Variants in RNGTT observed in about 807,000 individuals in gnomAD.
RNGTT encodes RNA guanylyltransferase and 5'-phosphatase.
Under a neutral mutation model 79.3 loss-of-function variants are expected in RNGTT, and 33 were observed. That is an observed-to-expected ratio of 0.42 (90% CI 0.32 to 0.56). RNGTT has a LOEUF of 0.56. Among genes scored for constraint, RNGTT ranks in the 20% least tolerant of loss-of-function variants. The probability of loss-of-function intolerance (pLI) is 0.17; values close to 1 mark genes in which losing one functional copy is unlikely to be tolerated. For missense variants in RNGTT, 497 were observed against 739.1 expected (o/e 0.67, Z 3.80); for synonymous variants, 222 against 235.9 (o/e 0.94, Z 0.54).
chr6:88,727,323 T>C (rs1285941744), intron 13 of RNGTT, among the ~76,000 whole-genome samples: 1 of 152,150 alleles, frequency 6.6e-6, no homozygotes, highest in African/African-American at 2.4e-5. Context: ...CATTAAAAGG[T>C]TAAAAAATTT....
At chr6:88,711,069 T>C (rs1381297771) in intron 13 of RNGTT, among the ~76,000 whole-genome samples, 1 of 152,166 alleles carries the variant, frequency 6.6e-6, no homozygotes, top group Non-Finnish European at 1.5e-5. Flanking sequence ...AGAGACAAAT[T>C]TAATCTTTCA....
Position 88,883,146 on chromosome 6 carries a change from G to C in RNGTT, c.896+7349C>G, listed in dbSNP as rs551993318. ...AGGCTGAGTTGTAGAGAGAAGAACA[G>C]GAAGGAGCCCAGACTCTTTATGACA... is the stretch of plus-strand genomic sequence containing the variant. On this transcript the variant is annotated intron_variant, in intron 8 of 15. Transcript: ENST00000369485. Among the ~76,000 whole-genome samples the C allele has an allele frequency of 4.4e-5, 6 of 136,846 alleles. No homozygotes were observed. In the South Asian group the frequency reaches 1.2e-3, roughly 27 times the overall value. The allele number at this position is 136,846 out of a possible 152,430, so 89.8% of individuals were successfully genotyped here. A position where few individuals can be genotyped will look rare whatever the true frequency, so the allele number is the denominator to read the frequency against.
intron 1 of RNGTT, among the ~76,000 whole-genome samples, chr6:88,943,770 T>A (rs1194048359): frequency 2.6e-5 from 4 of 152,300 alleles, no homozygotes; most frequent in South Asian, 2.1e-4. Context: ...TCCCTTTCCT[T>A]CTTATCCAAC....
At chr6:88,958,349 C>CA (rs2127967078) in intron 1 of RNGTT, among the ~76,000 whole-genome samples, 1 of 152,162 alleles carries the variant, frequency 6.6e-6, no homozygotes, top group South Asian at 2.1e-4. Context: ...GCAAATGCAA[C>CA]AAAAACAAAA....
intron 1 of RNGTT, among the ~76,000 whole-genome samples, chr6:88,960,738 T>G (rs753291766): frequency 6.6e-6 from 1 of 152,242 alleles, no homozygotes; most frequent in Admixed American, 6.5e-5. Context: ...CTCTCTCTCA[T>G]TGCAAGTCTG....
In RNGTT at chr6:88,612,747, G is replaced by C; in HGVS notation, c.1766C>G (p.Pro589Arg). The C allele has an allele frequency of 6.2e-7, 1 of 1,613,006 alleles. No individual in the cohort carries two copies. Among genetic ancestry groups the C allele is most frequent in the Non-Finnish European group, 8.5e-7 (1 of 1,179,896 alleles). ...GGTTAAAGGGCGTGGTCTTTTGGGA[G>C]GTGGTGGTGGCATGAGCTCCGTGTC... ...DPDTELMPPP[P>R]PKRPRPLT The change falls in exon 16 of 16, where the codon CCT becomes CGT. Residue 589 changes from proline to arginine, a missense_variant. By Grantham distance (103) the Pro-to-Arg change is moderately radical. Transcript: ENST00000369485.
chr6:88,869,079 T>C (rs972583312), intron 8 of RNGTT, among the ~76,000 whole-genome samples: 2 of 152,178 alleles, frequency 1.3e-5, no homozygotes, highest in South Asian at 4.1e-4. Context: ...AAAACACATG[T>C]AGAAGATGTA....
intron 13 of RNGTT, among the ~76,000 whole-genome samples, chr6:88,744,325 G>C (rs1481203225): frequency 1.3e-5 from 2 of 151,950 alleles, no homozygotes; most frequent in African/African-American, 2.4e-5. Context: ...GCAGTGGCTT[G>C]ATCTTGGCTC....
intron 13 of RNGTT, among the ~76,000 whole-genome samples, chr6:88,714,681 A>G (rs1469617042): frequency 2.1e-5 from 3 of 143,912 alleles, no homozygotes; most frequent in Admixed American, 2.0e-4. Context: ...TGACCTCGTG[A>G]TCCGCCCGCC....
intron 14 of RNGTT, among the ~76,000 whole-genome samples, chr6:88,629,285 AAC>A: frequency 6.6e-6 from 1 of 152,324 alleles, no homozygotes; most frequent in East Asian, 1.9e-4. Flanking sequence ...CAGTGATTAA[AAC>A]AGTCTTTTCC....
Position 88,670,490 on chromosome 6 carries a change from A to T in RNGTT, c.1506+7863T>A, listed in dbSNP as rs537708352. Among the ~76,000 whole-genome samples, 5 of 152,268 alleles carry T rather than the reference A, an allele frequency of 3.3e-5. No individual in the cohort carries two copies. In the South Asian group the frequency reaches 1.0e-3, roughly 32 times the overall value. Reference sequence around the variant, plus strand: ...AATTCCCACTAATAAGTGAGATTCTAAAAGGGGGGAATAAGGAAGGAGACC... The same window carrying T: ...AATTCCCACTAATAAGTGAGATTCTTAAAGGGGGGAATAAGGAAGGAGACC... On this transcript the variant is annotated intron_variant, in intron 14 of 15. Coordinates refer to ENST00000369485, the MANE Select transcript of RNGTT (RefSeq NM_003800.5).
At chr6:88,687,257 T>C (rs1336224957) in intron 13 of RNGTT, among the ~76,000 whole-genome samples, 2 of 152,240 alleles carry the variant, frequency 1.3e-5, no homozygotes, top group Non-Finnish European at 2.9e-5. Context: ...ACTTACCAGA[T>C]TGGCAAAATT....
At chr6:88,774,877 T>C (rs9359813) in intron 12 of RNGTT, among the ~76,000 whole-genome samples, 21,070 of 152,078 alleles carry the variant, frequency 0.14, 1,597 homozygotes, top group Middle Eastern at 0.24. Context: ...GATGAAAAGG[T>C]TTTGGAAATA....
chr6:88,754,788 G>A (rs1582419723), intron 13 of RNGTT, among the ~76,000 whole-genome samples: 1 of 152,304 alleles, frequency 6.6e-6, no homozygotes, highest in Non-Finnish European at 1.5e-5. Flanking sequence ...GTGCCTTAAG[G>A]ACATGTTCCT....
In RNGTT at chr6:88,924,614, C is replaced by A. The variant is rs553498209; in HGVS notation, c.367+4371G>T. Reference sequence around the variant, plus strand: ...TAGCTGGGATTACAGGCATGTGCCACCAAGCCAGACCCCAATTTGTCCAAC... The same window carrying A: ...TAGCTGGGATTACAGGCATGTGCCAACAAGCCAGACCCCAATTTGTCCAAC... On this transcript the variant is annotated intron_variant, in intron 4 of 15. Transcript: ENST00000369485. Among the ~76,000 whole-genome samples, 3 of 152,208 alleles carry A rather than the reference C, an allele frequency of 2.0e-5. No individual in the cohort carries two copies. The East Asian group carries it at 5.8e-4, about 29-fold the overall frequency.
chr6:88,696,584 G>A (rs1775678223), intron 13 of RNGTT, among the ~76,000 whole-genome samples: 1 of 145,140 alleles, frequency 6.9e-6, no homozygotes, highest in Admixed American at 7.0e-5. Flanking sequence ...ACTGCAGGAT[G>A]AACAGAAATC....
chr6:88,813,545 C>T (rs1030764423), intron 11 of RNGTT, among the ~76,000 whole-genome samples: 1 of 152,198 alleles, frequency 6.6e-6, no homozygotes, highest in Admixed American at 6.5e-5. Flanking sequence ...GCACATCAGG[C>T]AGCAAGCCCT....
intron 14 of RNGTT, among the ~76,000 whole-genome samples, chr6:88,654,574 T>G (rs1009628658): frequency 6.6e-6 from 1 of 152,228 alleles, no homozygotes; most frequent in African/African-American, 2.4e-5. Flanking sequence ...TAAATTCATT[T>G]CTCATTCATC....
In RNGTT at chr6:88,939,756, ACACT is replaced by A. The variant is rs536612006; in HGVS notation, c.174+1311_174+1314del. 4.8e-4 allele frequency among the ~76,000 whole-genome samples: 72 copies of A among 150,562 alleles called. 2 individuals carry two copies. In the East Asian group the frequency reaches 0.014, roughly 29 times the overall value. On this transcript the variant is annotated intron_variant, in intron 2 of 15. Transcript: ENST00000369485. Reference sequence around the variant, plus strand: ...CATTGATATCTGCACATCTGGTGTAACACTCACTTCTCCTTTTTTTTTGAGACAC... The same window carrying A: ...CATTGATATCTGCACATCTGGTGTAACACTTCTCCTTTTTTTTTGAGACAC...
Sources: allele counts gnomAD v4.1 joint callset (sites outside exome capture counted in the v4.1 genomes callset), GRCh38; gene constraint gnomAD v4.1.1; transcripts MANE v1.5; gene names NCBI Gene and HGNC (gene_info 2026-07-23, HGNC 2026-07-21).